Variants in MYH10 observed in about 807,000 individuals in gnomAD.
MYH10 encodes the protein myosin heavy chain 10.
In MYH10, 55 loss-of-function variants were observed where a neutral mutation model predicts 257.8. That is an observed-to-expected ratio of 0.21 (90% CI 0.17 to 0.27). The LOEUF (loss-of-function observed/expected upper bound fraction) is 0.27. Ranked by LOEUF, MYH10 falls within the 10% of genes least tolerant of loss-of-function variation. MYH10 has a pLI of 1.00. For synonymous variants in MYH10, 854 were observed against 921.7 expected (o/e 0.93, Z 1.33); for missense variants, 1,631 against 2,500.6 (o/e 0.65, Z 7.42).
In MYH10 at chr17:8,611,565, AAAAACAAAACAAAAC is replaced by A. The variant is rs539705620; in HGVS notation, c.346-6598_346-6584del. On this transcript the variant is annotated intron_variant, in intron 2 of 42. Coordinates refer to ENST00000360416, the MANE Select transcript of MYH10 (RefSeq NM_001256012.3). ...AACCCAAATGAAAATTCTAAAACTG[AAAAACAAAACAAAAC>A]AAAACAAAACAAAAAAAGAAAACCA... Among the ~76,000 whole-genome samples the A allele has an allele frequency of 2.6e-5, 4 of 152,304 alleles. No individual in the cohort carries two copies. In the East Asian group the frequency reaches 5.8e-4, roughly 22 times the overall value.
chr17:8,546,844 C>A (rs1165166333), intron 11 of MYH10, among the ~76,000 whole-genome samples, 182 bp from the exon 12 acceptor site: 2 of 152,166 alleles, frequency 1.3e-5, no homozygotes, highest in Non-Finnish European at 2.9e-5. Context: ...CAAATTAATA[C>A]ACACTCATTT....
chr17:8,589,213 A>G (rs1177460150), intron 3 of MYH10, 105 bp from the exon 4 acceptor site: 1 of 1,173,900 alleles, frequency 8.5e-7, no homozygotes, highest in African/African-American at 1.5e-5. Context: ...AAATATTAGT[A>G]ACTACTCCTC....
chr17:8,499,334 T>A lies in MYH10; in HGVS notation c.3887A>T (p.His1296Leu). The change falls in exon 30 of 43, where the codon CAT becomes CTT. Residue 1296 changes from histidine to leucine, a missense_variant. His to Leu is a moderately conservative substitution (Grantham distance 99). Coordinates refer to ENST00000360416, the MANE Select transcript of MYH10 (RefSeq NM_001256012.3). ...KKLDAQVQEL[H>L]AKVSEGDRLR... ...CCTGTCGCCTTCAGAGACCTTGGCA[T>A]GGAGCTCCTGGACCTGCGCGTCGAG... is the stretch of plus-strand genomic sequence containing the variant. The A allele has an allele frequency of 1.2e-6, 2 of 1,614,148 alleles. No individual in the cohort carries two copies. Among genetic ancestry groups the A allele is most frequent in the Non-Finnish European group, 1.7e-6 (2 of 1,180,026 alleles).
Position 8,484,246 on chromosome 17 carries a change from T to C in MYH10, c.5067A>G (p.Gln1689=), listed in dbSNP as rs1319909757. 1.2e-6 allele frequency: 2 copies of C among 1,612,556 alleles called. No homozygotes were observed. The highest frequency in any genetic ancestry group is 1.7e-6 in the Non-Finnish European group (2 of 1,179,540). ...RKLQAQMKDY[Q]RELEEARASR... Reference sequence around the variant, plus strand: ...ATGCACGAGCTTCTTCTAATTCACGTTGGTAATCCTTCATCTGAGCCTAAG... The same window carrying C: ...ATGCACGAGCTTCTTCTAATTCACGCTGGTAATCCTTCATCTGAGCCTAAG... Residue 1689 remains glutamine, a synonymous_variant, in exon 37 of 43, where the codon CAA becomes CAG. Coordinates refer to ENST00000360416, the MANE Select transcript of MYH10 (RefSeq NM_001256012.3).
intron 35 of MYH10, among the ~76,000 whole-genome samples, chr17:8,489,096 T>C (rs1258610716): frequency 6.6e-6 from 1 of 152,094 alleles, no homozygotes; most frequent in African/African-American, 2.4e-5. Flanking sequence ...CTCACTCTCC[T>C]GAAGCTCCCT....
chr17:8,585,286 G>GCATATATATATATATATATATATA (rs2083866097), intron 4 of MYH10, among the ~76,000 whole-genome samples: 1 of 84,606 alleles, frequency 1.2e-5, no homozygotes, highest in African/African-American at 4.4e-5. Context: ...ATGTGTGTGT[G>GCATATATATATATATATATATATA]TGTATATATA....
In MYH10 at chr17:8,506,483, A is replaced by G. The variant is rs1417074718; in HGVS notation, c.3221T>C (p.Leu1074Ser). The change falls in exon 27 of 43, where the codon TTA (leucine) becomes TCA (serine). Residue 1074 changes from leucine (L) to serine (S), a missense_variant. By Grantham distance (145) the Leu-to-Ser change is moderately radical. This residue lies in a region of MYH10 where 169 missense variants were observed against 249.8 expected (regional missense o/e 0.68). Coordinates refer to ENST00000360416, the MANE Select transcript of MYH10 (RefSeq NM_001256012.3). This position sits in a 1 kb window ranked among gnomAD's most constrained non-coding sequence, Gnocchi z 5.0. ...CTGACGAGTCTTTTCTTCCTTCTTT[A>G]AGCGTTCTTTAAGGTAAGACATAAG... ...EVMISDLEER[L>S]KKEEKTRQEL... 6.2e-7 allele frequency: 1 copy of G among 1,611,218 alleles called. No homozygotes were observed. The highest frequency in any genetic ancestry group is 8.5e-7 in the Non-Finnish European group (1 of 1,179,296).
chr17:8,559,210 G>A (rs1041805850), intron 7 of MYH10, among the ~76,000 whole-genome samples: 7 of 152,040 alleles, frequency 4.6e-5, no homozygotes, highest in Non-Finnish European at 7.4e-5. Flanking sequence ...CATGCTATCT[G>A]TCTCTTTGTA....
At chr17:8,598,955 C>T (rs1346159731) in intron 3 of MYH10, among the ~76,000 whole-genome samples, 2 of 152,186 alleles carry the variant, frequency 1.3e-5, no homozygotes, top group Non-Finnish European at 2.9e-5. Context: ...GATCTGCCCA[C>T]CTTGGCCTCC....
intron 1 of MYH10, 124 bp from the exon 2 acceptor site, chr17:8,623,401 T>G: frequency 2.7e-5 from 25 of 918,016 alleles, no homozygotes; most frequent in Non-Finnish European, 3.5e-5. Context: ...AGCTGGGGTA[T>G]ACCTCTTCAC....
chr17:8,526,892 G>A (rs982831040), intron 17 of MYH10, among the ~76,000 whole-genome samples: 2 of 152,122 alleles, frequency 1.3e-5, no homozygotes, highest in Non-Finnish European at 2.9e-5. Context: ...CCAAAAAAGG[G>A]GGAAGAAACC....
rs191197269 is a variant in MYH10, at chr17:8,492,757, C to T, written c.4458+19G>A. On this transcript the variant is annotated intron_variant, in intron 33 of 42. Coordinates refer to ENST00000360416, the MANE Select transcript of MYH10 (RefSeq NM_001256012.3). ...AAGCAAGAGCTCTGCCAGGAGGAAACGACACGTGGCCGACCCACCTGGTCA... is the reference window on the plus strand; with the variant it reads ...AAGCAAGAGCTCTGCCAGGAGGAAATGACACGTGGCCGACCCACCTGGTCA... 269 of 1,607,776 alleles carry T rather than the reference C, an allele frequency of 1.7e-4. No homozygotes were observed. In the African/African-American group the frequency reaches 2.8e-3, roughly 17 times the overall value.
intron 4 of MYH10, among the ~76,000 whole-genome samples, chr17:8,580,113 C>A (rs573220461): frequency 1.2e-4 from 18 of 151,904 alleles, no homozygotes; most frequent in Admixed American, 9.8e-4. Flanking sequence ...GGCGACAGAG[C>A]GAGACTTCAC....
At chr17:8,606,615 G>C (rs1178458478) in intron 2 of MYH10, among the ~76,000 whole-genome samples, 2 of 152,162 alleles carry the variant, frequency 1.3e-5, no homozygotes, top group Admixed American at 1.3e-4. Flanking sequence ...GAGAATGAAA[G>C]CCTGCCAAAA....
chr17:8,625,577 T>C (rs1177799682), intron 1 of MYH10, among the ~76,000 whole-genome samples: 1 of 152,102 alleles, frequency 6.6e-6, no homozygotes, highest in Non-Finnish European at 1.5e-5. Context: ...CCTCCAGGGT[T>C]CAAGTGATTC....
chr17:8,540,029 G>A (rs751299486), intron 14 of MYH10, among the ~76,000 whole-genome samples: 3 of 152,030 alleles, frequency 2.0e-5, no homozygotes, highest in Non-Finnish European at 2.9e-5. Context: ...TCACGCTGTC[G>A]CCTAGACTGG....
At chr17:8,509,771 T>C in intron 25 of MYH10, 41 bp downstream of exon 25, 1 of 1,560,674 alleles carries the variant, frequency 6.4e-7, no homozygotes, top group Non-Finnish European at 8.7e-7. Flanking sequence ...ATAAATATTT[T>C]CTGTAACTAA....
chr17:8,529,288 G>A (rs1314817854), intron 17 of MYH10, among the ~76,000 whole-genome samples: 1 of 152,202 alleles, frequency 6.6e-6, no homozygotes, highest in Non-Finnish European at 1.5e-5. Context: ...TGTGCCAGGT[G>A]CTGCAGAAAT....
At chr17:8,515,668 G>A (rs1005989129) in intron 21 of MYH10, among the ~76,000 whole-genome samples, 5 of 146,750 alleles carry the variant, frequency 3.4e-5, no homozygotes, top group African/African-American at 1.0e-4. Context: ...TCAGCCTCCC[G>A]AGAAGCTGGG....
Sources: allele counts gnomAD v4.1 joint callset (sites outside exome capture counted in the v4.1 genomes callset), GRCh38; gene constraint gnomAD v4.1.1; regional missense constraint gnomAD v4.1.1; non-coding constraint Gnocchi (gnomAD v3.1); transcripts MANE v1.5; gene names NCBI Gene and HGNC (gene_info 2026-07-23, HGNC 2026-07-21).